Variants in PELI2 observed in about 807,000 individuals in gnomAD.
The protein encoded by PELI2 is E3 ubiquitin-protein ligase pellino homolog 2.
A neutral mutation model predicts 42.3 loss-of-function variants in PELI2; 23 were observed. The ratio of observed to expected loss-of-function variants is 0.54; its 90% CI spans 0.39 to 0.77. The LOEUF (loss-of-function observed/expected upper bound fraction) is 0.77. PELI2 is among the 30% of genes least tolerant of loss of function. The pLI, the probability that PELI2 is intolerant of heterozygous loss-of-function variation, is 0.00. For missense variants in PELI2, 463 were observed against 553.2 expected, an observed-to-expected ratio of 0.84 and a Z score of 1.64; for synonymous variants, 245 against 212.2, an observed-to-expected ratio of 1.15 and a Z score of -1.34.
At chr14:56,186,381 A>G (rs1439169654) in intron 2 of PELI2, among the ~76,000 whole-genome samples, 2 of 152,208 alleles carry the variant, frequency 1.3e-5, no homozygotes, top group Non-Finnish European at 2.9e-5. Flanking sequence ...CAGCCCCTTG[A>G]TTTTGGCCTT....
intron 1 of PELI2, among the ~76,000 whole-genome samples, chr14:56,151,948 G>A (rs1365062659): frequency 6.6e-6 from 1 of 152,114 alleles, no homozygotes; most frequent in Non-Finnish European, 1.5e-5. Flanking sequence ...GCAGTCCAAG[G>A]CTGCTGTAGT....
intron 1 of PELI2, among the ~76,000 whole-genome samples, chr14:56,142,299 T>G (rs1009536452): frequency 6.6e-6 from 1 of 152,196 alleles, no homozygotes. Flanking sequence ...CTGCACTGTC[T>G]GAGAATATGG....
chr14:56,259,987 GA>G (rs1377254800), intron 2 of PELI2, among the ~76,000 whole-genome samples: 13 of 152,082 alleles, frequency 8.5e-5, no homozygotes, highest in African/African-American at 2.9e-4. Context: ...ATGGAGAGAC[GA>G]ACCATATTTC....
chr14:56,288,559 G>A lies in PELI2; in HGVS notation c.432G>A (p.Val144=). The change falls in exon 4 of 6, where the codon GTG becomes GTA. Residue 144 remains valine, a synonymous_variant. Transcript: ENST00000267460. The surrounding 1 kb of genome is among the most constrained non-coding windows in gnomAD (Gnocchi z 4.6). ...TATCCAGGTTCGCCTGCAGGATCGT[G>A]TGCGACAGGAATGAACCTTACACAG... ...STISRFACRI[V]CDRNEPYTAR... 1 of 1,614,102 alleles carries A rather than the reference G, an allele frequency of 6.2e-7. No individual in the cohort carries two copies. Among genetic ancestry groups the A allele is most frequent in the Non-Finnish European group, 8.5e-7 (1 of 1,179,968 alleles).
intron 2 of PELI2, among the ~76,000 whole-genome samples, chr14:56,220,932 G>A (rs969253343): frequency 5.3e-5 from 8 of 152,156 alleles, no homozygotes; most frequent in South Asian, 2.1e-4. Context: ...TCAGAAGCAC[G>A]TGATTCTGTC....
At chr14:56,287,292 C>T (rs1204645774) in intron 3 of PELI2, among the ~76,000 whole-genome samples, 2 of 152,146 alleles carry the variant, frequency 1.3e-5, no homozygotes, top group African/African-American at 2.4e-5. Context: ...GCTTTGTTTT[C>T]GCCTTTATAC....
chr14:56,187,959 G>T (rs1046560090), intron 2 of PELI2, among the ~76,000 whole-genome samples: 2 of 152,194 alleles, frequency 1.3e-5, no homozygotes, highest in African/African-American at 2.4e-5. Context: ...GTGGACCTTC[G>T]CAGGGGGCGT....
At chr14:56,166,837 G>A (rs1458226229) in intron 1 of PELI2, among the ~76,000 whole-genome samples, 1 of 152,018 alleles carries the variant, frequency 6.6e-6, no homozygotes, top group Non-Finnish European at 1.5e-5. Context: ...TCCCAGGATG[G>A]AGTGCAGTGG....
intron 5 of PELI2, among the ~76,000 whole-genome samples, chr14:56,293,614 G>A (rs991793380): frequency 6.6e-6 from 1 of 152,172 alleles, no homozygotes; most frequent in South Asian, 2.1e-4. Flanking sequence ...TGGGGATGTG[G>A]CAGAAAACAC....
chr14:56,232,888 G>T lies in PELI2; in HGVS notation c.208-46788G>T, dbSNP rs930408501. Among the ~76,000 whole-genome samples, 26 of 152,088 alleles carry T rather than the reference G, an allele frequency of 1.7e-4. 2 individuals are homozygous for T. Among genetic ancestry groups the T allele is most frequent in the Non-Finnish European group, 2.9e-5 (2 of 68,022 alleles). Reference sequence around the variant, plus strand: ...TCATCTCAGCCCAAAATCTCCTTAAGCTGAAAGCAACTCCAGCAAAGTCTC... The same window carrying T: ...TCATCTCAGCCCAAAATCTCCTTAATCTGAAAGCAACTCCAGCAAAGTCTC... On this transcript the variant is annotated intron_variant, in intron 2 of 5. Transcript: ENST00000267460.
chr14:56,128,817 G>A (rs1227464480), intron 1 of PELI2, among the ~76,000 whole-genome samples: 1 of 152,034 alleles, frequency 6.6e-6, no homozygotes, highest in Non-Finnish European at 1.5e-5. Flanking sequence ...AGCCCTTTAA[G>A]CAAACCTGGC....
At chr14:56,252,517 C>G (rs1215690712) in intron 2 of PELI2, among the ~76,000 whole-genome samples, 1 of 152,066 alleles carries the variant, frequency 6.6e-6, no homozygotes, top group Non-Finnish European at 1.5e-5. Flanking sequence ...TGGGGAATAA[C>G]CTGTGGTTTG....
At position 56,290,468 on chromosome 14, in the gene PELI2, T is replaced by G. The variant is rs1386195443; in HGVS notation, c.696+12T>G. Reference sequence around the variant, plus strand: ...AACGAGGAAAGCTGGTGAGTGTGCTTCACTCTGCAAGTGTGAAGTACGAAA... The same window carrying G: ...AACGAGGAAAGCTGGTGAGTGTGCTGCACTCTGCAAGTGTGAAGTACGAAA... On this transcript the variant is annotated intron_variant, in intron 5 of 5. Transcript: ENST00000267460. 6.4e-7 allele frequency: 1 copy of G among 1,569,700 alleles called. No individual in the cohort carries two copies. The highest frequency in any genetic ancestry group is 8.7e-7 in the Non-Finnish European group (1 of 1,151,866).
rs978790138 is a variant in PELI2, at chr14:56,144,943, A to G, written c.77+26206A>G. 3.0e-5 allele frequency: 29 copies of G among 981,134 alleles called. No individual in the cohort carries two copies. The African/African-American group carries it at 3.8e-4, about 13-fold the overall frequency. 60.8% of individuals were successfully genotyped at this position (981,134 alleles called of 1,614,324 possible). A position where few individuals can be genotyped will look rare whatever the true frequency, so the allele number is the denominator to read the frequency against. On this transcript the variant is annotated intron_variant, in intron 1 of 5. Coordinates refer to ENST00000267460, the MANE Select transcript of PELI2 (RefSeq NM_021255.3). ...TTTACTCTTTGCCGGTGTTTCCATT[A>G]CAGGAGAAGAGGGATGTGGAAGACC...
intron 5 of PELI2, 87 bp from the exon 6 acceptor site, chr14:56,296,512 AT>A (rs1014342269): frequency 7.5e-5 from 67 of 891,122 alleles, no homozygotes; most frequent in Admixed American, 1.2e-4. Flanking sequence ...ATCTTCAAAT[AT>A]TTTTTTGCTT....
At chr14:56,177,585 G>A (rs1466793894) in intron 1 of PELI2, among the ~76,000 whole-genome samples, 1 of 152,160 alleles carries the variant, frequency 6.6e-6, no homozygotes, top group African/African-American at 2.4e-5. Flanking sequence ...AAATTGAAAT[G>A]CTAACTGTGA....
chr14:56,273,228 C>A lies in PELI2; in HGVS notation c.208-6448C>A, dbSNP rs1477883795. On this transcript the variant is annotated intron_variant, in intron 2 of 5. Coordinates refer to ENST00000267460, the MANE Select transcript of PELI2 (RefSeq NM_021255.3). This position sits in a 1 kb window ranked among gnomAD's most constrained non-coding sequence, Gnocchi z 4.3. ...CCCATGTGGCATTTCATTCTCCAGG[C>A]CCTCTCCCTGTGGCTTTGGCTTCTT... is the stretch of plus-strand genomic sequence containing the variant. 6.6e-6 allele frequency among the ~76,000 whole-genome samples: 1 copy of A among 152,174 alleles called. No individual in the cohort carries two copies. Among genetic ancestry groups the A allele is most frequent in the Admixed American group, 6.5e-5 (1 of 15,276 alleles).
At chr14:56,155,200 G>A (rs1336228314) in intron 1 of PELI2, among the ~76,000 whole-genome samples, 2 of 149,088 alleles carry the variant, frequency 1.3e-5, no homozygotes, top group African/African-American at 4.9e-5. Flanking sequence ...ATATGCAGAA[G>A]TTTCAGATTT....
intron 2 of PELI2, among the ~76,000 whole-genome samples, chr14:56,196,276 G>A (rs772504059): frequency 1.3e-5 from 2 of 152,000 alleles, no homozygotes; most frequent in African/African-American, 2.4e-5. Context: ...GGGGTTTTTC[G>A]GTGAAATTGT....
Sources: allele counts gnomAD v4.1 joint callset (sites outside exome capture counted in the v4.1 genomes callset), GRCh38; gene constraint gnomAD v4.1.1; non-coding constraint Gnocchi (gnomAD v3.1); transcripts MANE v1.5; gene names NCBI Gene and HGNC (gene_info 2026-07-23, HGNC 2026-07-21).